The following KLF12 variants were observed in gnomAD, a reference collection of about 807,000 sequenced individuals.
KLF12 encodes KLF transcription factor 12, also known as Krueppel-like factor 12.
Under a neutral mutation model 37.8 loss-of-function variants are expected in KLF12, and 9 were observed. The ratio of observed to expected loss-of-function variants is 0.24; its 90% CI spans 0.14 to 0.42. The LOEUF (loss-of-function observed/expected upper bound fraction) is 0.42. KLF12 is among the 10% of genes least tolerant of loss of function. The probability of loss-of-function intolerance (pLI) is 1.00; values close to 1 mark genes in which losing one functional copy is unlikely to be tolerated. For missense variants in KLF12, 411 were observed against 516.0 expected, an observed-to-expected ratio of 0.80 and a Z score of 1.97; for synonymous variants, 208 against 202.1, an observed-to-expected ratio of 1.03 and a Z score of -0.25.
At chr13:74,127,139 G>C (rs1877985498) in intron 1 of KLF12, among the ~76,000 whole-genome samples, 1 of 152,120 alleles carries the variant, frequency 6.6e-6, no homozygotes, top group Non-Finnish European at 1.5e-5. Flanking sequence ...AAGTAACTGG[G>C]AATACAGGCA....
At chr13:74,098,560 C>A (rs186550590) in intron 1 of KLF12, among the ~76,000 whole-genome samples, 3 of 152,254 alleles carry the variant, frequency 2.0e-5, no homozygotes, top group Admixed American at 1.3e-4. Flanking sequence ...TCTTTCAATT[C>A]TCTATGACTC....
chr13:73,841,972 C>T (rs1235524368), intron 4 of KLF12, among the ~76,000 whole-genome samples: 4 of 152,084 alleles, frequency 2.6e-5, no homozygotes, highest in Non-Finnish European at 5.9e-5. Context: ...ATATTATATC[C>T]AAGGCCCAGT....
At chr13:73,860,089 C>T (rs577711825) in intron 3 of KLF12, among the ~76,000 whole-genome samples, 7 of 152,074 alleles carry the variant, frequency 4.6e-5, no homozygotes, top group South Asian at 2.1e-4. Context: ...GCCTGAGTTC[C>T]GGTCTGGGTT....
intron 1 of KLF12, among the ~76,000 whole-genome samples, chr13:74,055,763 A>G (rs978991016): frequency 6.6e-5 from 10 of 152,200 alleles, no homozygotes; most frequent in African/African-American, 2.4e-4. Context: ...AATTTACCCT[A>G]AACACTGAGT....
chr13:74,003,649 A>AT (rs1433652920), intron 1 of KLF12, among the ~76,000 whole-genome samples: 1 of 152,172 alleles, frequency 6.6e-6, no homozygotes, highest in Non-Finnish European at 1.5e-5. Flanking sequence ...ACGATTCTTG[A>AT]TATTTCTGAC....
intron 5 of KLF12, among the ~76,000 whole-genome samples, chr13:73,794,695 C>T (rs1053023285): frequency 1.5e-4 from 23 of 152,082 alleles, no homozygotes; most frequent in African/African-American, 4.1e-4. Flanking sequence ...AAAAACTTAA[C>T]CCTTCCCAGC....
chr13:74,247,677 G>C, the KLF12 span, among the ~76,000 whole-genome samples: 1 of 151,726 alleles, frequency 6.6e-6, no homozygotes, highest in East Asian at 1.9e-4. Flanking sequence ...TCACTATTTT[G>C]CGCGGACTGG....
the KLF12 span, among the ~76,000 whole-genome samples, chr13:74,268,446 G>T: frequency 6.6e-6 from 1 of 152,116 alleles, no homozygotes; most frequent in African/African-American, 2.4e-5. Context: ...CATTTCTCTG[G>T]CCATGAAATT....
intron 5 of KLF12, among the ~76,000 whole-genome samples, chr13:73,780,133 C>T (rs4603433): frequency 0.041 from 6,287 of 152,302 alleles, 242 homozygotes; most frequent in Admixed American, 0.12. Context: ...CAATTTCAGA[C>T]TCCCACACCA....
chr13:73,846,461 T>C (rs1430726296), intron 3 of KLF12, 88 bp from the exon 4 acceptor site: 3 of 1,145,368 alleles, frequency 2.6e-6, no homozygotes, highest in Non-Finnish European at 2.5e-6. Flanking sequence ...GTTTATTACT[T>C]TTTCTCTTAT....
intron 1 of KLF12, among the ~76,000 whole-genome samples, chr13:74,065,755 C>G (rs536541365): frequency 6.6e-6 from 1 of 152,114 alleles, no homozygotes; most frequent in East Asian, 1.9e-4. Context: ...ACCGCAACTA[C>G]AAAGTGTGAC....
chr13:74,121,262 G>C (rs1344204568), intron 1 of KLF12, among the ~76,000 whole-genome samples: 3 of 151,956 alleles, frequency 2.0e-5, no homozygotes, highest in Non-Finnish European at 4.4e-5. Flanking sequence ...TAACAATATA[G>C]AACAATATAG....
At chr13:73,704,735 G>A (rs1874811799) in intron 7 of KLF12, among the ~76,000 whole-genome samples, 1 of 152,196 alleles carries the variant, frequency 6.6e-6, no homozygotes, top group Non-Finnish European at 1.5e-5. Context: ...ACCACGCTGT[G>A]ATTGAAGGTT....
At chr13:74,064,313 A>T (rs1426421395) in intron 1 of KLF12, among the ~76,000 whole-genome samples, 1 of 152,238 alleles carries the variant, frequency 6.6e-6, no homozygotes, top group Non-Finnish European at 1.5e-5. Context: ...TGTTCATTCC[A>T]TAAACATTTG....
intron 1 of KLF12, among the ~76,000 whole-genome samples, chr13:74,077,268 G>C (rs1874620959): frequency 6.6e-6 from 1 of 152,014 alleles, no homozygotes; most frequent in Non-Finnish European, 1.5e-5. Context: ...CCACCAACAA[G>C]GGGACACATT....
the KLF12 span, among the ~76,000 whole-genome samples, chr13:74,161,066 G>GT: frequency 2.4e-5 from 3 of 127,646 alleles, no homozygotes; most frequent in African/African-American, 7.7e-5. Flanking sequence ...ATTCAGGAGA[G>GT]TCTTTTTTTT....
intron 1 of KLF12, among the ~76,000 whole-genome samples, chr13:74,068,232 T>C (rs1329060296): frequency 2.0e-5 from 3 of 152,256 alleles, no homozygotes; most frequent in African/African-American, 7.2e-5. Flanking sequence ...ACAGTGTCTA[T>C]TTCTACGAAA....
intron 3 of KLF12, among the ~76,000 whole-genome samples, chr13:73,862,942 C>T (rs1475060364): frequency 6.6e-6 from 1 of 152,106 alleles, no homozygotes; most frequent in Non-Finnish European, 1.5e-5. Context: ...TTCTTAGCAT[C>T]AGAACTTTCA....
intron 5 of KLF12, among the ~76,000 whole-genome samples, chr13:73,805,992 T>A (rs1337969454): frequency 6.6e-6 from 1 of 151,984 alleles, no homozygotes; most frequent in Non-Finnish European, 1.5e-5. Flanking sequence ...TTTGTAGAGA[T>A]GAGGTTTCAC....
Sources: allele counts gnomAD v4.1 joint callset (sites outside exome capture counted in the v4.1 genomes callset), GRCh38; gene constraint gnomAD v4.1.1; transcripts MANE v1.5; gene names NCBI Gene and HGNC (gene_info 2026-07-23, HGNC 2026-07-21).